The following CSMD1 variants were observed in gnomAD, a reference collection of about 807,000 sequenced individuals.
CSMD1 encodes CUB and sushi domain-containing protein 1.
Under a neutral mutation model 417.5 loss-of-function variants are expected in CSMD1, and 213 were observed. That is an observed-to-expected ratio of 0.51 (90% CI 0.46 to 0.57). CSMD1 has a LOEUF of 0.57. Among genes scored for constraint, CSMD1 ranks in the 20% least tolerant of loss-of-function variants. The pLI, the probability that CSMD1 is intolerant of heterozygous loss-of-function variation, is 0.00. For synonymous variants in CSMD1, 2,862 were observed against 1,736.8 expected, an observed-to-expected ratio of 1.65 and a Z score of -16.11; for missense variants, 6,923 against 4,529.7, an observed-to-expected ratio of 1.53 and a Z score of -15.17.
chr8:3,592,847 G>C (rs1563181626), intron 8 of CSMD1, among the ~76,000 whole-genome samples: 1 of 152,002 alleles, frequency 6.6e-6, no homozygotes, highest in Non-Finnish European at 1.5e-5. Flanking sequence ...TGAAATAGGT[G>C]TAAAGGAGAT....
At chr8:4,113,949 C>T (rs891208971) in intron 3 of CSMD1, among the ~76,000 whole-genome samples, 1 of 152,158 alleles carries the variant, frequency 6.6e-6, no homozygotes, top group Admixed American at 6.5e-5. Flanking sequence ...GAAAAGAAGC[C>T]ATCTCCATAA....
intron 7 of CSMD1, among the ~76,000 whole-genome samples, chr8:3,684,142 C>G (rs1223942304): frequency 8.5e-6 from 1 of 118,284 alleles, no homozygotes; most frequent in African/African-American, 2.9e-5. Context: ...ATATATAATG[C>G]CTATATGTTA....
intron 1 of CSMD1, among the ~76,000 whole-genome samples, chr8:4,903,832 G>T (rs747485443): frequency 6.6e-6 from 1 of 152,188 alleles, no homozygotes; most frequent in East Asian, 1.9e-4. Flanking sequence ...AAATGGCCAA[G>T]AAGTACTTCC....
At chr8:3,154,925 C>CTT (rs1819424960) in intron 39 of CSMD1, among the ~76,000 whole-genome samples, 6 of 152,040 alleles carry the variant, frequency 3.9e-5, no homozygotes, top group African/African-American at 1.4e-4. Context: ...AAGCTAACAG[C>CTT]TACAAAAAAC....
At chr8:4,199,427 A>G (rs1348700165) in intron 3 of CSMD1, among the ~76,000 whole-genome samples, 1 of 152,186 alleles carries the variant, frequency 6.6e-6, no homozygotes, top group Non-Finnish European at 1.5e-5. Flanking sequence ...TTAGCTGTCA[A>G]GTCATGTAAG....
At chr8:3,685,390 C>A (rs1019587107) in intron 7 of CSMD1, among the ~76,000 whole-genome samples, 1 of 152,252 alleles carries the variant, frequency 6.6e-6, no homozygotes, top group Admixed American at 6.5e-5. Flanking sequence ...CTGTCTGGGT[C>A]CTGCTGCTCA....
intron 3 of CSMD1, among the ~76,000 whole-genome samples, chr8:4,124,141 G>T (rs957120077): frequency 6.6e-6 from 1 of 152,104 alleles, no homozygotes; most frequent in Non-Finnish European, 1.5e-5. Flanking sequence ...AGTGATGAAT[G>T]TTGTCCTAAA....
chr8:4,082,950 T>C (rs201663627), intron 3 of CSMD1, among the ~76,000 whole-genome samples: 48 of 151,840 alleles, frequency 3.2e-4, no homozygotes, highest in East Asian at 2.5e-3. Flanking sequence ...GAACTCACCA[T>C]TTTTTATGGC....
At chr8:4,034,625 T>G (rs1277360166) in intron 3 of CSMD1, among the ~76,000 whole-genome samples, 6 of 152,070 alleles carry the variant, frequency 3.9e-5, no homozygotes, top group African/African-American at 9.7e-5. Context: ...GCTCTTACAG[T>G]CAAAGACACA....
intron 3 of CSMD1, among the ~76,000 whole-genome samples, chr8:4,080,786 C>T (rs1220888314): frequency 6.6e-6 from 1 of 151,996 alleles, no homozygotes; most frequent in Non-Finnish European, 1.5e-5. Flanking sequence ...ATTACCACAC[C>T]CCTCTCTAAG....
chr8:4,393,300 C>T (rs1292023573), intron 3 of CSMD1, among the ~76,000 whole-genome samples: 2 of 152,030 alleles, frequency 1.3e-5, no homozygotes, highest in African/African-American at 4.8e-5. Flanking sequence ...TAATTAGGTG[C>T]TTTAGAAATA....
At chr8:4,807,489 G>A (rs1047504365) in intron 1 of CSMD1, among the ~76,000 whole-genome samples, 5 of 152,158 alleles carry the variant, frequency 3.3e-5, no homozygotes, top group Non-Finnish European at 5.9e-5. Context: ...GCTGAGCCCA[G>A]CCCATCCTGA....
In CSMD1 at chr8:4,206,712, G is replaced by C. The variant is rs1176453630; in HGVS notation, c.416-174613C>G. ...TGGGTATATACCCTGTAATGGGATGGCTGGGTCAAATAGTATTTCTAGAGG... is the reference window on the plus strand; with the variant it reads ...TGGGTATATACCCTGTAATGGGATGCCTGGGTCAAATAGTATTTCTAGAGG... On this transcript the variant is annotated intron_variant, in intron 3 of 69. Coordinates refer to ENST00000635120, the MANE Select transcript of CSMD1 (RefSeq NM_033225.6). Among the ~76,000 whole-genome samples the C allele has an allele frequency of 2.6e-5, 4 of 152,258 alleles. 1 individual carries two copies. Among genetic ancestry groups the C allele is most frequent in the Middle Eastern group, 3.4e-3 (1 of 294 alleles).
chr8:3,724,802 C>G (rs977130688), intron 6 of CSMD1, among the ~76,000 whole-genome samples: 8 of 152,190 alleles, frequency 5.3e-5, no homozygotes, highest in African/African-American at 1.9e-4. Flanking sequence ...ACTTTGCCAT[C>G]AGCAGAAACT....
chr8:4,175,295 G>T (rs910428395), intron 3 of CSMD1, among the ~76,000 whole-genome samples: 2 of 152,070 alleles, frequency 1.3e-5, no homozygotes, highest in African/African-American at 4.8e-5. Context: ...CATATCCTTA[G>T]GACAGTGAAT....
chr8:3,909,866 G>A (rs934384722), intron 5 of CSMD1, among the ~76,000 whole-genome samples: 2 of 152,120 alleles, frequency 1.3e-5, no homozygotes, highest in African/African-American at 4.8e-5. Context: ...ACAAGTTGAT[G>A]GAATGGGTAC....
At position 3,945,391 on chromosome 8, in the gene CSMD1, T is replaced by C. The variant is rs540770344; in HGVS notation, c.818+52512A>G. 2.1e-4 allele frequency among the ~76,000 whole-genome samples: 32 copies of C among 152,194 alleles called. No individual in the cohort carries two copies. The South Asian group carries it at 6.2e-3, about 30-fold the overall frequency. Reference sequence around the variant, plus strand: ...AGGTAACAAACCTGCACAATATAAATGAACGGCTTAACTTTTTTGGGGGGG... The same window carrying C: ...AGGTAACAAACCTGCACAATATAAACGAACGGCTTAACTTTTTTGGGGGGG... On this transcript the variant is annotated intron_variant, in intron 5 of 69. Transcript: ENST00000635120.
At chr8:4,949,520 A>T (rs1808593711) in intron 1 of CSMD1, among the ~76,000 whole-genome samples, 1 of 152,182 alleles carries the variant, frequency 6.6e-6, no homozygotes, top group South Asian at 2.1e-4. Context: ...CCCAGGGGAT[A>T]TGCTGCAATG....
chr8:4,424,018 G>C (rs7005143), intron 2 of CSMD1, among the ~76,000 whole-genome samples: 4,946 of 152,010 alleles, frequency 0.033, 278 homozygotes, highest in African/African-American at 0.11. Context: ...CAAATAGTAA[G>C]TTTAACACCT....
Sources: allele counts gnomAD v4.1 joint callset (sites outside exome capture counted in the v4.1 genomes callset), GRCh38; gene constraint gnomAD v4.1.1; transcripts MANE v1.5; gene names NCBI Gene and HGNC (gene_info 2026-07-23, HGNC 2026-07-21).